The following GFRAL variants were observed in gnomAD, a reference collection of about 807,000 sequenced individuals.
GFRAL encodes GDNF family receptor alpha like.
GFRAL carries 36 observed loss-of-function variants against 45.4 expected under a neutral mutation model. That is an observed-to-expected ratio of 0.79 (90% CI 0.61 to 1.05). The LOEUF is 1.05. Ranked by LOEUF, GFRAL falls within the 50% of genes least tolerant of loss-of-function variation. GFRAL has a pLI of 0.00. For synonymous variants in GFRAL, 166 were observed against 154.1 expected, an observed-to-expected ratio of 1.08 and a Z score of -0.57; for missense variants, 507 against 467.5, an observed-to-expected ratio of 1.08 and a Z score of -0.78.
intron 5 of GFRAL, among the ~76,000 whole-genome samples, chr6:55,353,352 A>G (rs2127355835): frequency 6.6e-6 from 1 of 152,208 alleles, no homozygotes; most frequent in East Asian, 1.9e-4. Flanking sequence ...AGTCACTCTA[A>G]CTGGCAAAGT....
chr6:55,359,285 C>G, intron 6 of GFRAL, 147 bp downstream of exon 6: 1 of 630,862 alleles, frequency 1.6e-6, no homozygotes, highest in South Asian at 2.3e-5. Flanking sequence ...AATTTGCTTT[C>G]TGATTATGTT....
chr6:55,362,392 G>C (rs1488995162), intron 6 of GFRAL, among the ~76,000 whole-genome samples: 1 of 151,960 alleles, frequency 6.6e-6, no homozygotes, highest in East Asian at 1.9e-4. Context: ...ACTAAGCTTG[G>C]AAAATGCACT....
intron 6 of GFRAL, among the ~76,000 whole-genome samples, chr6:55,378,221 C>G (rs961126614): frequency 6.6e-6 from 1 of 152,024 alleles, no homozygotes; most frequent in African/African-American, 2.4e-5. Flanking sequence ...TCTTAGGTTG[C>G]AGCTGCATAA....
At chr6:55,350,357 C>T (rs7743512) in intron 4 of GFRAL, among the ~76,000 whole-genome samples, 70,541 of 151,750 alleles carry the variant, frequency 0.46, 17,479 homozygotes, top group Non-Finnish European at 0.56. Context: ...TTTATACATG[C>T]GCTAAGAAAT....
intron 4 of GFRAL, 137 bp from the exon 5 acceptor site, chr6:55,351,116 A>T: frequency 1.5e-6 from 1 of 648,230 alleles, no homozygotes; most frequent in Non-Finnish European, 2.8e-6. Context: ...TTACTCTAAA[A>T]GATGTAATGT....
chr6:55,345,507 C>G (rs1768028851), intron 3 of GFRAL, among the ~76,000 whole-genome samples: 1 of 152,154 alleles, frequency 6.6e-6, no homozygotes, highest in South Asian at 2.1e-4. Context: ...AAAGCTGAAA[C>G]TGGATTCCTT....
intron 6 of GFRAL, among the ~76,000 whole-genome samples, chr6:55,370,177 AATT>A (rs1768432461): frequency 6.6e-6 from 1 of 151,980 alleles, no homozygotes; most frequent in South Asian, 2.1e-4. Context: ...TATGAAAAAT[AATT>A]ATATTTATCA....
At chr6:55,344,926 G>T (rs1389950852) in intron 3 of GFRAL, among the ~76,000 whole-genome samples, 1 of 152,128 alleles carries the variant, frequency 6.6e-6, no homozygotes, top group African/African-American at 2.4e-5. Flanking sequence ...AATCATGAGT[G>T]AACTCCCATT....
At chr6:55,392,216 C>T (rs1768762494) in intron 6 of GFRAL, among the ~76,000 whole-genome samples, 1 of 152,072 alleles carries the variant, frequency 6.6e-6, no homozygotes, top group Non-Finnish European at 1.5e-5. Flanking sequence ...CCTGGTTGTC[C>T]CTTATTGATT....
intron 3 of GFRAL, among the ~76,000 whole-genome samples, chr6:55,345,211 A>G (rs1562051068): frequency 6.6e-6 from 1 of 152,166 alleles, no homozygotes; most frequent in Admixed American, 6.5e-5. Flanking sequence ...TTCATATGGA[A>G]CCAAAAAAGG....
chr6:55,350,177 A>G (rs372225642), intron 4 of GFRAL, 32 bp downstream of exon 4: 5 of 1,254,196 alleles, frequency 4.0e-6, no homozygotes, highest in African/African-American at 2.9e-5. Flanking sequence ...TTTGATCTGC[A>G]TTGCAAATAC....
chr6:55,352,081 C>G lies in GFRAL; in HGVS notation c.701+498C>G, dbSNP rs559180548. Reference sequence around the variant, plus strand: ...AGTCAGAGATAACCAGGTCCACACACATTTGTGTCTTTTCACAATGTCAGG... The same window carrying G: ...AGTCAGAGATAACCAGGTCCACACAGATTTGTGTCTTTTCACAATGTCAGG... On this transcript the variant is annotated intron_variant, in intron 5 of 8. Transcript: ENST00000340465. Among the ~76,000 whole-genome samples, 3 of 152,156 alleles carry G rather than the reference C, an allele frequency of 2.0e-5. No individual in the cohort carries two copies. In the East Asian group the frequency reaches 5.8e-4, roughly 30 times the overall value.
At chr6:55,344,658 C>G (rs946682890) in intron 3 of GFRAL, among the ~76,000 whole-genome samples, 7 of 152,156 alleles carry the variant, frequency 4.6e-5, no homozygotes, top group Non-Finnish European at 8.8e-5. Flanking sequence ...TCTCACCACT[C>G]CTATTCAACA....
intron 6 of GFRAL, among the ~76,000 whole-genome samples, chr6:55,375,772 G>A (rs1273753014): frequency 6.6e-6 from 1 of 152,036 alleles, no homozygotes; most frequent in Admixed American, 6.6e-5. Flanking sequence ...CTAAAACAAT[G>A]GGGTTTTCTA....
chr6:55,338,215 G>A (rs1422216437), intron 3 of GFRAL, among the ~76,000 whole-genome samples: 1 of 151,914 alleles, frequency 6.6e-6, no homozygotes, highest in Non-Finnish European at 1.5e-5. Context: ...CTCAGCCCCT[G>A]AGTAGCTGGG....
chr6:55,357,600 G>T (rs9464229), intron 5 of GFRAL, among the ~76,000 whole-genome samples: 28,883 of 151,196 alleles, frequency 0.19, 3,148 homozygotes, highest in African/African-American at 0.3. Context: ...TCATTGGCTC[G>T]TTTTATTTTT....
intron 3 of GFRAL, among the ~76,000 whole-genome samples, chr6:55,347,294 G>A (rs185436195): frequency 6.6e-6 from 1 of 152,244 alleles, no homozygotes; most frequent in Non-Finnish European, 1.5e-5. Context: ...ATTTGCAATT[G>A]AAAGAGAGAG....
intron 6 of GFRAL, among the ~76,000 whole-genome samples, chr6:55,367,642 G>T (rs1768383598): frequency 3.3e-5 from 5 of 150,928 alleles, no homozygotes. Flanking sequence ...GCCTGGTGGT[G>T]ACAAAATCTC....
intron 6 of GFRAL, among the ~76,000 whole-genome samples, chr6:55,376,227 A>G (rs1039785223): frequency 2.6e-5 from 4 of 152,094 alleles, no homozygotes; most frequent in Admixed American, 2.0e-4. Flanking sequence ...CGTGGTGGAT[A>G]AGATTTTTTT....
Sources: allele counts gnomAD v4.1 joint callset (sites outside exome capture counted in the v4.1 genomes callset), GRCh38; gene constraint gnomAD v4.1.1; transcripts MANE v1.5; gene names NCBI Gene and HGNC (gene_info 2026-07-23, HGNC 2026-07-21).